IL1RL1: variants seen among roughly 807,000 people sequenced by gnomAD.
The protein encoded by IL1RL1 is interleukin-1 receptor-like 1.
Under a neutral mutation model 50.9 loss-of-function variants are expected in IL1RL1, and 32 were observed. The observed-to-expected ratio is 0.63, with a 90% CI of 0.47 to 0.84. The LOEUF (loss-of-function observed/expected upper bound fraction) is 0.84, where lower values mean the gene tolerates loss of function less well. Among genes scored for constraint, IL1RL1 ranks in the 40% least tolerant of loss-of-function variants. The pLI is 0.00. For missense variants in IL1RL1, 773 were observed against 662.9 expected (o/e 1.17, Z -1.82); for synonymous variants, 275 against 236.0 (o/e 1.17, Z -1.51).
rs1478201247 is a variant in IL1RL1 at position 102,351,849 on chromosome 2, C to A, written c.1599C>A (p.Tyr533Ter). Residue 533 changes from tyrosine to a stop codon, truncating the protein, a stop_gained, in exon 11 of 11, where the codon TAC (tyrosine) becomes TAA (stop). Transcript: ENST00000233954. LOFTEE classifies it low-confidence loss of function (END_TRUNC). ...CTAAATTCTGGAAGCACGTGAGGTA[C>A]CAAATGCCTGTGCCAAGCAAAATTC... ...LNSKFWKHVR[Y>*]QMPVPSKIPR... 1 of 1,613,920 alleles carries A rather than the reference C, an allele frequency of 6.2e-7. No homozygotes were observed. Among genetic ancestry groups the A allele is most frequent in the Non-Finnish European group, 8.5e-7 (1 of 1,179,840 alleles).
chr2:102,312,630 A>C (rs937114761), intron 1 of IL1RL1, among the ~76,000 whole-genome samples: 1 of 152,114 alleles, frequency 6.6e-6, no homozygotes, highest in Non-Finnish European at 1.5e-5. Flanking sequence ...GGTCATACCC[A>C]TCTGCAAGAA....
rs750738487 is a variant in IL1RL1 at position 102,351,702 on chromosome 2, T to C, written c.1452T>C (p.Ala484=). The C allele has an allele frequency of 3.7e-6, 6 of 1,614,100 alleles. No homozygotes were observed. In the Admixed American group the frequency reaches 1.0e-4, roughly 27 times the overall value. ...DAKVILIEME[A]LSELDMLQAE... is the part of the protein sequence containing the mutation. ...AGGTGATACTTATTGAGATGGAGGC[T>C]CTGAGCGAGCTGGACATGCTGCAGG... Residue 484 remains alanine, a synonymous_variant, in exon 11 of 11, where the codon GCT becomes GCC. Transcript: ENST00000233954.
chr2:102,324,745 C>T (rs1191519232), intron 1 of IL1RL1, among the ~76,000 whole-genome samples: 4 of 152,206 alleles, frequency 2.6e-5, no homozygotes, highest in Admixed American at 6.5e-5. Flanking sequence ...CGTGGAGCCT[C>T]GCTCGTTGCT....
intron 3 of IL1RL1, 26 bp from the exon 4 acceptor site, chr2:102,340,070 CTT>C: frequency 7.2e-7 from 1 of 1,390,594 alleles, no homozygotes; most frequent in Non-Finnish European, 9.6e-7. Flanking sequence ...CTAAGTGACT[CTT>C]TTAATTGTCT....
At chr2:102,325,477 C>T (rs1217578164) in intron 1 of IL1RL1, among the ~76,000 whole-genome samples, 1 of 152,132 alleles carries the variant, frequency 6.6e-6, no homozygotes, top group African/African-American at 2.4e-5. Context: ...AGCTCCTCAC[C>T]AGCAATGGAA....
chr2:102,341,378 A>T (rs1055930917), intron 5 of IL1RL1: 1 of 1,141,314 alleles, frequency 8.8e-7, no homozygotes, highest in Non-Finnish European at 1.1e-6. Flanking sequence ...TCATTCTAAA[A>T]ATGTGTTTTC....
chr2:102,338,807 CAGGATTGTCTTTATATCTTT>C lies in IL1RL1; in HGVS notation c.62-29_62-10del, dbSNP rs1355416742. 2.7e-6 allele frequency: 4 copies of C among 1,487,198 alleles called. No homozygotes were observed. Among genetic ancestry groups the C allele is most frequent in the Non-Finnish European group, 3.7e-6 (4 of 1,067,398 alleles). 92.1% of individuals were successfully genotyped at this position (1,487,198 alleles called of 1,614,324 possible). ...TTATGATCTTTTCATTTGATCATTT[CAGGATTGTCTTTATATCTTT>C]TATTTGCAGGTAAACAATCATGGGG... On this transcript the variant is annotated splice_polypyrimidine_tract_variant and intron_variant, in intron 2 of 10. Transcript: ENST00000233954.
chr2:102,330,785 G>A (rs538668498), intron 1 of IL1RL1, among the ~76,000 whole-genome samples: 347 of 152,278 alleles, frequency 2.3e-3, no homozygotes, highest in South Asian at 4.6e-3. Flanking sequence ...CTTTGAAGAA[G>A]AAAAGTTTCT....
At chr2:102,317,241 C>G (rs1813298) in intron 1 of IL1RL1, among the ~76,000 whole-genome samples, 15,782 of 151,956 alleles carry the variant, frequency 0.1, 875 homozygotes, top group Non-Finnish European at 0.13. Flanking sequence ...GTAGTCCCAG[C>G]TACTCGGGAG....
intron 1 of IL1RL1, among the ~76,000 whole-genome samples, chr2:102,322,685 A>G (rs1159303606): frequency 9.9e-5 from 15 of 152,182 alleles, no homozygotes; most frequent in East Asian, 9.6e-4. Flanking sequence ...AAAAGCATCA[A>G]TCTTACATAT....
intron 1 of IL1RL1, among the ~76,000 whole-genome samples, chr2:102,327,045 A>T (rs1240594080): frequency 1.3e-5 from 2 of 152,218 alleles, no homozygotes; most frequent in South Asian, 2.1e-4. Context: ...AATCAACAGA[A>T]TATACATTTT....
chr2:102,343,231 T>G, intron 7 of IL1RL1, 39 bp from the exon 8 acceptor site: 1 of 1,614,102 alleles, frequency 6.2e-7, no homozygotes, highest in Middle Eastern at 1.6e-4. Flanking sequence ...GGTTTGCACC[T>G]GCAAAGTAGG....
intron 1 of IL1RL1, among the ~76,000 whole-genome samples, chr2:102,326,572 G>A (rs904172831): frequency 1.3e-5 from 2 of 152,214 alleles, no homozygotes; most frequent in Admixed American, 1.3e-4. Flanking sequence ...TGGATAAAGA[G>A]TCAAGACCCA....
intron 1 of IL1RL1, among the ~76,000 whole-genome samples, chr2:102,332,110 A>G (rs1387136238): frequency 6.6e-6 from 1 of 152,186 alleles, no homozygotes; most frequent in African/African-American, 2.4e-5. Flanking sequence ...ATTTCTGAGC[A>G]CCTACTTGGT....
At chr2:102,327,339 G>T (rs571650017) in intron 1 of IL1RL1, among the ~76,000 whole-genome samples, 5 of 151,290 alleles carry the variant, frequency 3.3e-5, no homozygotes, top group Admixed American at 2.6e-4. Flanking sequence ...AGAATCTCTG[G>T]GACATATTTA....
In IL1RL1 at chr2:102,343,297, C is replaced by T. The variant is rs1410059060; in HGVS notation, c.852C>T (p.Asp284=). The change falls in exon 8 of 11, where the codon GAC becomes GAT. Residue 284 remains aspartate, a synonymous_variant. Coordinates refer to ENST00000233954, the MANE Select transcript of IL1RL1 (RefSeq NM_016232.5). ...QSFSNGLACL[D]MVLRIADVKE... The stretch of plus-strand genomic sequence containing the variant: ...TCAGCAATGGGCTGGCTTGTCTAGA[C>T]ATGGTTTTAAGAATAGCTGACGTGA... The T allele has an allele frequency of 2.5e-6, 4 of 1,614,068 alleles. No individual in the cohort carries two copies. The highest frequency in any genetic ancestry group is 2.2e-5 in the South Asian group (2 of 91,090).
chr2:102,347,754 A>G (rs1677823464), intron 8 of IL1RL1, among the ~76,000 whole-genome samples, 191 bp from the exon 9 acceptor site: 1 of 152,206 alleles, frequency 6.6e-6, no homozygotes, highest in African/African-American at 2.4e-5. Context: ...AATGCCCTAT[A>G]ATGCTTAGCC....
chr2:102,325,781 G>T (rs1315641703), intron 1 of IL1RL1, among the ~76,000 whole-genome samples: 1 of 152,338 alleles, frequency 6.6e-6, no homozygotes, highest in Admixed American at 6.5e-5. Flanking sequence ...ATGAAACGAA[G>T]TGAGAAGAGA....
chr2:102,328,972 G>A (rs1677094451), intron 1 of IL1RL1, among the ~76,000 whole-genome samples: 1 of 152,110 alleles, frequency 6.6e-6, no homozygotes, highest in African/African-American at 2.4e-5. Context: ...TTTCTTCACA[G>A]AATTGGAAAA....
Sources: allele counts gnomAD v4.1 joint callset (sites outside exome capture counted in the v4.1 genomes callset), GRCh38; gene constraint gnomAD v4.1.1; transcripts MANE v1.5; gene names NCBI Gene and HGNC (gene_info 2026-07-23, HGNC 2026-07-21).